The following SNTG2 variants were observed in gnomAD, a reference collection of about 807,000 sequenced individuals.
SNTG2 encodes the protein syntrophin gamma 2, also known as gamma-2-syntrophin.
Under a neutral mutation model 70.9 loss-of-function variants are expected in SNTG2, and 74 were observed. The observed-to-expected ratio is 1.04, with a 90% CI of 0.86 to 1.27. The LOEUF (loss-of-function observed/expected upper bound fraction) is 1.27, where lower values mean the gene tolerates loss of function less well. SNTG2 is among the 50% of genes most tolerant of loss of function. SNTG2 has a pLI of 0.00. For synonymous variants in SNTG2, 278 were observed against 273.8 expected, an observed-to-expected ratio of 1.02 and a Z score of -0.15; for missense variants, 717 against 690.7, an observed-to-expected ratio of 1.04 and a Z score of -0.43.
At chr2:1,361,452 A>G (rs889100392) in intron 16 of SNTG2, among the ~76,000 whole-genome samples, 5 of 152,252 alleles carry the variant, frequency 3.3e-5, no homozygotes, top group African/African-American at 1.2e-4. Flanking sequence ...CCACAATAGC[A>G]AAAGTATCCC....
intron 13 of SNTG2, among the ~76,000 whole-genome samples, chr2:1,263,120 A>G (rs541709437): frequency 6.3e-4 from 96 of 152,354 alleles, no homozygotes; most frequent in African/African-American, 2.2e-3. Context: ...AATTGAATCT[A>G]AAGAAGAGTC....
chr2:1,062,404 G>T (rs1662881891), intron 1 of SNTG2, among the ~76,000 whole-genome samples: 1 of 152,172 alleles, frequency 6.6e-6, no homozygotes, highest in Non-Finnish European at 1.5e-5. Context: ...TATATTATTA[G>T]AATTAGATTT....
chr2:981,507 T>C (rs1661093941), intron 1 of SNTG2, among the ~76,000 whole-genome samples: 1 of 151,864 alleles, frequency 6.6e-6, no homozygotes, highest in Non-Finnish European at 1.5e-5. Flanking sequence ...GTCCTACACA[T>C]GCAAGCACTC....
chr2:1,357,420 C>A (rs1186940772), intron 16 of SNTG2, among the ~76,000 whole-genome samples: 2 of 152,014 alleles, frequency 1.3e-5, no homozygotes, highest in African/African-American at 4.8e-5. Flanking sequence ...CCCCTATGTC[C>A]CAGGGATAAA....
intron 1 of SNTG2, among the ~76,000 whole-genome samples, chr2:1,003,668 C>G (rs1215793502): frequency 6.6e-6 from 1 of 152,166 alleles, no homozygotes; most frequent in Non-Finnish European, 1.5e-5. Flanking sequence ...CTGTGAGAAC[C>G]TGTTCCAGTG....
chr2:1,299,518 T>A (rs964749107), intron 14 of SNTG2, among the ~76,000 whole-genome samples: 1 of 152,196 alleles, frequency 6.6e-6, no homozygotes, highest in Non-Finnish European at 1.5e-5. Flanking sequence ...TGTCTCCTTT[T>A]CTCAGAAGAT....
rs578117603 is a variant in SNTG2, at chr2:1,191,866, TTTATATA to T, written c.592-17228_592-17222del. On this transcript the variant is annotated intron_variant, in intron 8 of 16. Coordinates refer to ENST00000308624, the MANE Select transcript of SNTG2 (RefSeq NM_018968.4). The stretch of plus-strand genomic sequence containing the variant: ...TCATTTTAATTTTATGCTTTATAAC[TTTATATA>T]TTATATATGTACATAAGTATGTATG... Among the ~76,000 whole-genome samples the T allele has an allele frequency of 2.2e-3, 333 of 152,080 alleles. 2 individuals are homozygous for T. The highest frequency in any genetic ancestry group is 7.8e-3 in the African/African-American group (325 of 41,516).
At chr2:1,227,263 A>G (rs1046668877) in intron 9 of SNTG2, among the ~76,000 whole-genome samples, 1 of 152,240 alleles carries the variant, frequency 6.6e-6, no homozygotes, top group African/African-American at 2.4e-5. Flanking sequence ...AGCAAACAAA[A>G]CATGCATTTA....
At chr2:1,287,389 G>A (rs13389135) in intron 14 of SNTG2, among the ~76,000 whole-genome samples, 5,144 of 152,292 alleles carry the variant, frequency 0.034, 133 homozygotes, top group African/African-American at 0.07. Context: ...GGGTGAGTCC[G>A]GCAGCCTTTC....
At chr2:1,336,196 C>T (rs1659807688) in intron 16 of SNTG2, among the ~76,000 whole-genome samples, 3 of 152,252 alleles carry the variant, frequency 2.0e-5, no homozygotes, top group Admixed American at 2.0e-4. Context: ...TCCAATTCTC[C>T]CCACTCTCTC....
rs1678301002 is a variant in SNTG2, at chr2:1,259,450, CTT to C, written c.1077+12_1077+13del. 2 of 1,611,426 alleles carry C rather than the reference CTT, an allele frequency of 1.2e-6. No individual in the cohort carries two copies. The highest frequency in any genetic ancestry group is 1.3e-5 in the African/African-American group (1 of 74,892). ...TATTTAAAGTTCACAAGGTAGGTAT[CTT>C]TTGCACTTCAGATGCTTTCATACAA... On this transcript the variant is annotated intron_variant, in intron 13 of 16. Coordinates refer to ENST00000308624, the MANE Select transcript of SNTG2 (RefSeq NM_018968.4).
intron 6 of SNTG2, among the ~76,000 whole-genome samples, chr2:1,152,576 ATGTGTGTGTGTGCACATG>A (rs2147811128): frequency 1.7e-4 from 1 of 5,942 alleles, no homozygotes; most frequent in South Asian, 5.5e-3. Flanking sequence ...GCACATGTGC[ATGTGTGTGTGTGCACATG>A]TGCATGTGTG....
In SNTG2 at chr2:1,267,564, G is replaced by A. The variant is rs372191385; in HGVS notation, c.1277G>A (p.Arg426Lys). The A allele has an allele frequency of 1.4e-5, 23 of 1,612,540 alleles. No individual in the cohort carries two copies. Among genetic ancestry groups the A allele is most frequent in the Middle Eastern group, 4.0e-4 (2 of 5,016 alleles). ...AGAGCCACGTTCATGGAAGTTCAGA[G>A]AACCGGGGTAAGTGAACAACTCACA... Reference protein sequence around the residue: ...FQRATFMEVQRTGSRTYMCSW... With the variant: ...FQRATFMEVQKTGSRTYMCSW... The change falls in exon 14 of 17, where the codon AGA becomes AAA. Residue 426 changes from arginine (R) to lysine (K), a missense_variant. Physicochemically the swap from Arg to Lys is conservative, Grantham distance 26. Coordinates refer to ENST00000308624, the MANE Select transcript of SNTG2 (RefSeq NM_018968.4).
chr2:1,196,373 T>C (rs1156725675), intron 8 of SNTG2, among the ~76,000 whole-genome samples: 2 of 152,178 alleles, frequency 1.3e-5, no homozygotes, highest in Non-Finnish European at 2.9e-5. Context: ...TTATGACATA[T>C]GGGACACATT....
chr2:1,200,395 G>A (rs1673202849), intron 8 of SNTG2, among the ~76,000 whole-genome samples: 1 of 151,962 alleles, frequency 6.6e-6, no homozygotes, highest in South Asian at 2.1e-4. Context: ...TTAAACGTGA[G>A]ATCCAAAATT....
chr2:1,081,965 G>A (rs1219471718), intron 1 of SNTG2, among the ~76,000 whole-genome samples: 1 of 152,258 alleles, frequency 6.6e-6, no homozygotes, highest in East Asian at 1.9e-4. Context: ...ATTACCAGAT[G>A]CAATGCAGTG....
At chr2:1,189,325 A>G (rs574204129) in intron 8 of SNTG2, among the ~76,000 whole-genome samples, 6 of 152,178 alleles carry the variant, frequency 3.9e-5, no homozygotes, top group African/African-American at 1.4e-4. Context: ...ATACATTCCA[A>G]GAAGTGTCAA....
rs114593721 is a variant in SNTG2 at position 975,550 on chromosome 2, T to G, written c.72+24482T>G. On this transcript the variant is annotated intron_variant, in intron 1 of 16. Coordinates refer to ENST00000308624, the MANE Select transcript of SNTG2 (RefSeq NM_018968.4). Reference sequence around the variant, plus strand: ...CTACTATATAATAAGCTCTAAAGATTAATTAAGGAATAAGCCAAGAAAATA... The same window carrying G: ...CTACTATATAATAAGCTCTAAAGATGAATTAAGGAATAAGCCAAGAAAATA... Among the ~76,000 whole-genome samples the G allele has an allele frequency of 5.1e-3, 771 of 152,318 alleles. 10 individuals are homozygous for G. Among genetic ancestry groups the G allele is most frequent in the African/African-American group, 0.016 (650 of 41,566 alleles).
chr2:950,985 G>T lies in SNTG2; in HGVS notation c.-12G>T, dbSNP rs1237191634. The T allele has an allele frequency of 5.7e-6, 7 of 1,233,066 alleles. No individual in the cohort carries two copies. Among genetic ancestry groups the T allele is most frequent in the Non-Finnish European group, 6.1e-6 (6 of 988,472 alleles). 76.4% of individuals were successfully genotyped at this position (1,233,066 alleles called of 1,614,324 possible). The stretch of plus-strand genomic sequence containing the variant: ...GCCGGCCCGGAGCGCGGACCCAGCC[G>T]CAGGGGCGGCGATGGGCACCGAGGG... On this transcript the variant is annotated 5_prime_UTR_variant, in exon 1 of 17. Transcript: ENST00000308624.
Sources: gnomAD v4.1 joint callset for allele counts (sites outside exome capture counted in the v4.1 genomes callset) on GRCh38, gnomAD v4.1.1 for gene constraint, MANE v1.5 for transcripts, NCBI Gene and HGNC (gene_info 2026-07-23, HGNC 2026-07-21) for gene names.